NR5A2: variants seen among roughly 807,000 people sequenced by gnomAD.
NR5A2 encodes CYP7A promoter-binding factor.
A neutral mutation model predicts 62.7 loss-of-function variants in NR5A2; 26 were observed. The observed-to-expected ratio is 0.41, with a 90% CI of 0.30 to 0.58. The LOEUF is 0.58. Among genes scored for constraint, NR5A2 ranks in the 20% least tolerant of loss-of-function variants. The pLI, the probability that NR5A2 is intolerant of heterozygous loss-of-function variation, is 0.22. For synonymous variants in NR5A2, 246 were observed against 241.7 expected (o/e 1.02, Z -0.16); for missense variants, 541 against 669.1 (o/e 0.81, Z 2.11).
rs936568158 is a variant in NR5A2, at chr1:200,039,540, C to T, written c.65-118C>T. On this transcript the variant is annotated intron_variant, in intron 1 of 7. Transcript: ENST00000367362. This position sits in a 1 kb window ranked among gnomAD's most constrained non-coding sequence, Gnocchi z 5.1. ...CCGGACAGGGCTCAGAGGTCCTGCC[C>T]GGCAGCCCCGAGGAGGCGGAGGCAC... 2 of 1,469,372 alleles carry T rather than the reference C, an allele frequency of 1.4e-6. No homozygotes were observed. Among genetic ancestry groups the T allele is most frequent in the African/African-American group, 2.8e-5 (2 of 70,246 alleles). The allele number at this position is 1,469,372 out of a possible 1,614,324, so 91.0% of individuals were successfully genotyped here.
At chr1:200,138,711 T>G (rs575935761) in intron 7 of NR5A2, among the ~76,000 whole-genome samples, 54 of 152,190 alleles carry the variant, frequency 3.5e-4, no homozygotes, top group Non-Finnish European at 6.5e-4. Flanking sequence ...ACCTCTCTTA[T>G]GTATTCAAGA....
At chr1:200,154,367 A>C (rs945172744) in intron 7 of NR5A2, among the ~76,000 whole-genome samples, 1 of 152,240 alleles carries the variant, frequency 6.6e-6, no homozygotes, top group Non-Finnish European at 1.5e-5. Flanking sequence ...CCTCTAGACC[A>C]AAACATGCAA....
intron 7 of NR5A2, among the ~76,000 whole-genome samples, chr1:200,150,536 A>G (rs1401032789): frequency 6.6e-6 from 1 of 152,212 alleles, no homozygotes; most frequent in Non-Finnish European, 1.5e-5. Context: ...TTAATGGGCT[A>G]ATTACGAGAT....
chr1:200,122,420 G>C (rs2258675), intron 7 of NR5A2, among the ~76,000 whole-genome samples: 60,448 of 151,912 alleles, frequency 0.4, 12,278 homozygotes, highest in Middle Eastern at 0.45. Context: ...ATATTTACAG[G>C]GTCATCTCAT....
Position 200,175,359 on chromosome 1 carries a change from T to G in NR5A2, c.*1149T>G, listed in dbSNP as rs1282461676. 1 of 152,582 alleles carries G rather than the reference T, an allele frequency of 6.6e-6. No homozygotes were observed. The highest frequency in any genetic ancestry group is 1.5e-5 in the Non-Finnish European group (1 of 68,038). The allele number at this position is 152,582 out of a possible 1,614,324, so 9.5% of individuals were successfully genotyped here. On this transcript the variant is annotated 3_prime_UTR_variant, in exon 8 of 8. Coordinates refer to ENST00000367362, the MANE Select transcript of NR5A2 (RefSeq NM_205860.3). ...TTTTTACATGTGTCCTGGAAAGATA[T>G]TAAAGTAATTCAAATCTTCCCCAAA...
At position 200,048,152 on chromosome 1, in the gene NR5A2, C is replaced by G; in HGVS notation, c.464-20C>G. 2 of 1,570,296 alleles carry G rather than the reference C, an allele frequency of 1.3e-6. No individual in the cohort carries two copies. Among genetic ancestry groups the G allele is most frequent in the Non-Finnish European group, 1.7e-6 (2 of 1,158,436 alleles). On this transcript the variant is annotated intron_variant, in intron 4 of 7. Transcript: ENST00000367362. The surrounding 1 kb of genome is among the most constrained non-coding windows in gnomAD (Gnocchi z 4.8). Reference sequence around the variant, plus strand: ...CTTATTTATACCTTTCCTTCCTTCCCCCCACCCCACCCCCAACAGCTGTAA... The same window carrying G: ...CTTATTTATACCTTTCCTTCCTTCCGCCCACCCCACCCCCAACAGCTGTAA...
chr1:200,159,999 A>G (rs1653570745), intron 7 of NR5A2, among the ~76,000 whole-genome samples: 1 of 152,102 alleles, frequency 6.6e-6, no homozygotes, highest in Admixed American at 6.6e-5. Flanking sequence ...AGTTTCATGT[A>G]AACTTATTTT....
chr1:200,128,153 C>G (rs1666811134), intron 7 of NR5A2, among the ~76,000 whole-genome samples: 2 of 152,154 alleles, frequency 1.3e-5, no homozygotes, highest in Non-Finnish European at 2.9e-5. Context: ...TGCACACACT[C>G]AAGTCCCGCA....
intron 4 of NR5A2, among the ~76,000 whole-genome samples, chr1:200,047,732 A>T (rs1662435573): frequency 1.3e-5 from 2 of 151,866 alleles, no homozygotes; most frequent in African/African-American, 2.4e-5. Context: ...ACCCACCACT[A>T]CGCCTGGCTA....
In NR5A2 at chr1:200,065,441, C is replaced by G. The variant is rs549768493; in HGVS notation, c.1110+16623C>G. 3.2e-3 allele frequency among the ~76,000 whole-genome samples: 485 copies of G among 152,332 alleles called. 3 individuals are homozygous for G. The highest frequency in any genetic ancestry group is 5.6e-3 in the Non-Finnish European group (384 of 68,030). ...TACAGGCGTGAGCCACCATGCCCAG[C>G]CAAGTTTTTCTTTTTAACCTTGAAC... On this transcript the variant is annotated intron_variant, in intron 5 of 7. Coordinates refer to ENST00000367362, the MANE Select transcript of NR5A2 (RefSeq NM_205860.3).
chr1:200,064,678 A>G (rs1012407256), intron 5 of NR5A2, among the ~76,000 whole-genome samples: 8 of 152,204 alleles, frequency 5.3e-5, no homozygotes, highest in African/African-American at 9.6e-5. Flanking sequence ...TGCCCACCAC[A>G]TAATGTCATG....
At chr1:200,113,538 G>A (rs1666061347) in intron 6 of NR5A2, among the ~76,000 whole-genome samples, 1 of 152,194 alleles carries the variant, frequency 6.6e-6, no homozygotes. Flanking sequence ...CTATCAGAAT[G>A]AGACAGATAT....
chr1:200,108,566 C>G (rs1665800708), intron 5 of NR5A2, among the ~76,000 whole-genome samples: 1 of 152,194 alleles, frequency 6.6e-6, no homozygotes, highest in Non-Finnish European at 1.5e-5. Context: ...CCCCCACCCA[C>G]TTAGAAATTT....
intron 7 of NR5A2, among the ~76,000 whole-genome samples, chr1:200,133,055 C>T (rs1026332955): frequency 5.9e-5 from 9 of 152,144 alleles, no homozygotes; most frequent in African/African-American, 1.7e-4. Context: ...GAACTCCACA[C>T]GCAGGAAAAG....
intron 7 of NR5A2, among the ~76,000 whole-genome samples, chr1:200,121,552 A>G (rs1283241740): frequency 6.6e-6 from 1 of 152,216 alleles, no homozygotes; most frequent in Non-Finnish European, 1.5e-5. Flanking sequence ...TAGCTAAATC[A>G]AGGTTCTCAG....
chr1:200,047,294 G>A (rs1282910683), intron 4 of NR5A2, among the ~76,000 whole-genome samples: 2 of 152,182 alleles, frequency 1.3e-5, no homozygotes, highest in African/African-American at 4.8e-5. Context: ...AGCAGTAACT[G>A]GTGGTCATCT....
intron 5 of NR5A2, among the ~76,000 whole-genome samples, chr1:200,106,012 C>T (rs928298093): frequency 1.4e-4 from 16 of 113,994 alleles, no homozygotes; most frequent in Admixed American, 2.7e-4. Flanking sequence ...TAAATGTGGG[C>T]TTGACAAAGA....
At chr1:200,038,809 G>C in intron 1 of NR5A2, 1 of 1,278,248 alleles carries the variant, frequency 7.8e-7, no homozygotes. Flanking sequence ...CCCGCCCCGG[G>C]CCAGGGTGGG....
rs563931703 is a variant in NR5A2, at chr1:200,103,956, C to T, written c.1111-7246C>T. On this transcript the variant is annotated intron_variant, in intron 5 of 7. Transcript: ENST00000367362. ...GTCCAGATTCTGGGGGACTATTGGG[C>T]GTGACGTACATGGGAGATGAAATGA... is the stretch of plus-strand genomic sequence containing the variant. Among the ~76,000 whole-genome samples the T allele has an allele frequency of 1.9e-3, 282 of 151,294 alleles. 2 individuals carry two copies. Among genetic ancestry groups the T allele is most frequent in the Middle Eastern group, 6.8e-3 (2 of 294 alleles).
Sources: gnomAD v4.1 joint callset for allele counts (sites outside exome capture counted in the v4.1 genomes callset) on GRCh38, gnomAD v4.1.1 for gene constraint, Gnocchi (gnomAD v3.1) non-coding constraint, MANE v1.5 for transcripts, NCBI Gene and HGNC (gene_info 2026-07-23, HGNC 2026-07-21) for gene names.